The following POC1B variants were observed in gnomAD, a reference collection of about 807,000 sequenced individuals.
The protein encoded by POC1B is POC1 centriolar protein B.
POC1B carries 44 observed loss-of-function variants against 60.6 expected under a neutral mutation model. The observed-to-expected ratio is 0.73, with a 90% confidence interval of 0.57 to 0.93. The LOEUF is 0.93. POC1B is among the 40% of genes least tolerant of loss of function. The pLI is 0.00. For synonymous variants in POC1B, 180 were observed against 198.9 expected, an observed-to-expected ratio of 0.90 and a Z score of 0.80; for missense variants, 555 against 572.3, an observed-to-expected ratio of 0.97 and a Z score of 0.31.
At chr12:89,403,188 A>C in the POC1B span, among the ~76,000 whole-genome samples, 2 of 151,210 alleles carry the variant, frequency 1.3e-5, no homozygotes, top group Admixed American at 6.6e-5. Context: ...TTGTATTTTT[A>C]GTAGAGATAG....
rs750234535 is a variant in POC1B at position 89,470,442 on chromosome 12, G to A, written c.729C>T (p.Leu243=). ...CISFHPSGNY[L]ITASSDGTLK... is the part of the protein sequence containing the mutation. ...GGGTACCATCTGAAGAAGCTGTGAT[G>A]AGATAGTTACCCGAAGGATGGAATG... is the stretch of plus-strand genomic sequence containing the variant. The change falls in exon 7 of 12, where the codon CTC becomes CTT. Residue 243 remains leucine, a synonymous_variant. Transcript: ENST00000313546. 1.4e-5 allele frequency: 22 copies of A among 1,608,090 alleles called. No individual in the cohort carries two copies. The South Asian group carries it at 2.1e-4, about 15-fold the overall frequency.
At chr12:89,461,279 G>A (rs961353759) in intron 9 of POC1B, 11 of 152,150 alleles carry the variant, frequency 7.2e-5, no homozygotes, top group African/African-American at 2.4e-4. Flanking sequence ...GAGGAAACAC[G>A]GCATATGACG....
At chr12:89,481,792 G>A (rs1868371404) in intron 4 of POC1B, among the ~76,000 whole-genome samples, 1 of 152,164 alleles carries the variant, frequency 6.6e-6, no homozygotes, top group African/African-American at 2.4e-5. Context: ...AGAACTGAGA[G>A]ATGCTCAAGC....
chr12:89,468,485 T>C (rs899283979), intron 7 of POC1B, among the ~76,000 whole-genome samples: 1 of 152,204 alleles, frequency 6.6e-6, no homozygotes, highest in Admixed American at 6.5e-5. Flanking sequence ...GAAAAACATC[T>C]TGTATTTTCC....
At chr12:89,414,213 T>G in the POC1B span, among the ~76,000 whole-genome samples, 1 of 152,150 alleles carries the variant, frequency 6.6e-6, no homozygotes, top group African/African-American at 2.4e-5. Flanking sequence ...ATTCATGTAT[T>G]TTTTGTTTTA....
chr12:89,523,529 G>A (rs367829873), intron 2 of POC1B: 22 of 1,605,460 alleles, frequency 1.4e-5, no homozygotes, highest in Middle Eastern at 1.7e-4. Flanking sequence ...CTAAAAGACA[G>A]CTCAAGGTTT....
chr12:89,409,735 C>A, the POC1B span, among the ~76,000 whole-genome samples: 1 of 152,130 alleles, frequency 6.6e-6, no homozygotes, highest in East Asian at 1.9e-4. Context: ...GACACATACA[C>A]CCTCCCAAGA....
chr12:89,454,568 C>A (rs1882178664), intron 10 of POC1B, among the ~76,000 whole-genome samples: 1 of 152,114 alleles, frequency 6.6e-6, no homozygotes, highest in South Asian at 2.1e-4. Context: ...ATCACTGCTC[C>A]CACTCTCCTG....
chr12:89,515,662 C>T (rs1870407258), intron 2 of POC1B, among the ~76,000 whole-genome samples: 1 of 152,146 alleles, frequency 6.6e-6, no homozygotes, highest in Non-Finnish European at 1.5e-5. Context: ...CTCAGCAACC[C>T]ATTCTGAGGA....
rs1880504263 is a variant in POC1B, at chr12:89,420,953, C to T, written c.*200G>A. The T allele has an allele frequency of 7.0e-6, 3 of 431,122 alleles. No individual in the cohort carries two copies. The East Asian group carries it at 9.7e-5, about 14-fold the overall frequency. 26.7% of individuals were successfully genotyped at this position (431,122 alleles called of 1,614,324 possible). A position where few individuals can be genotyped will look rare whatever the true frequency, so the allele number is the denominator to read the frequency against. ...ATAAATGATAGTAATTTAAATTAGT[C>T]CTTCACATTGATATGTGTTTAAATT... On this transcript the variant is annotated 3_prime_UTR_variant, in exon 12 of 12. Transcript: ENST00000313546.
At chr12:89,437,859 C>T (rs957618851) in intron 10 of POC1B, among the ~76,000 whole-genome samples, 7 of 150,882 alleles carry the variant, frequency 4.6e-5, no homozygotes, top group Non-Finnish European at 1.0e-4. Context: ...ACCAGCCTGG[C>T]CAACATGGTG....
chr12:89,524,432 G>A (rs751289047), intron 2 of POC1B: 2 of 1,613,920 alleles, frequency 1.2e-6, no homozygotes, highest in Non-Finnish European at 1.7e-6. Flanking sequence ...TCCCTGGCAC[G>A]GCCGGCTCCT....
chr12:89,416,846 C>T (rs964181954), downstream of POC1B, among the ~76,000 whole-genome samples: 2 of 152,188 alleles, frequency 1.3e-5, no homozygotes, highest in African/African-American at 4.8e-5. Flanking sequence ...GTGTTCATCC[C>T]ACAGGCAAGT....
At chr12:89,510,782 G>C (rs532685286) in intron 2 of POC1B, among the ~76,000 whole-genome samples, 1 of 59,626 alleles carries the variant, frequency 1.7e-5, no homozygotes, top group East Asian at 4.2e-4. Flanking sequence ...TTTTGATATG[G>C]AGTCTCATTC....
At chr12:89,508,382 C>T (rs1870006448) in intron 2 of POC1B, among the ~76,000 whole-genome samples, 1 of 152,064 alleles carries the variant, frequency 6.6e-6, no homozygotes, top group African/African-American at 2.4e-5. Flanking sequence ...CCTTGATGTT[C>T]TTGAAGACTA....
chr12:89,424,647 C>T (rs572908307), intron 11 of POC1B, among the ~76,000 whole-genome samples: 19 of 152,110 alleles, frequency 1.2e-4, no homozygotes, highest in African/African-American at 2.9e-4. Flanking sequence ...TATGTCTGTA[C>T]CTTGTAACCA....
chr12:89,487,188 T>TAA (rs1354835633), intron 4 of POC1B, among the ~76,000 whole-genome samples: 1 of 152,134 alleles, frequency 6.6e-6, no homozygotes, highest in African/African-American at 2.4e-5. Flanking sequence ...GGGGATGCTA[T>TAA]GTTTCCGTGG....
downstream of POC1B, among the ~76,000 whole-genome samples, chr12:89,415,096 A>T (rs2120613889): frequency 6.6e-6 from 1 of 152,324 alleles, no homozygotes; most frequent in South Asian, 2.1e-4. Context: ...TAGTCTTCTA[A>T]GGCTGAATTC....
At chr12:89,429,123 C>A (rs1039394597) in intron 10 of POC1B, 1 of 152,004 alleles carries the variant, frequency 6.6e-6, no homozygotes, top group African/African-American at 2.4e-5. Context: ...CATAGACAAT[C>A]TAAGCAATAA....
Sources: gnomAD v4.1 joint callset for allele counts (sites outside exome capture counted in the v4.1 genomes callset) on GRCh38, gnomAD v4.1.1 for gene constraint, MANE v1.5 for transcripts, NCBI Gene and HGNC (gene_info 2026-07-23, HGNC 2026-07-21) for gene names.